Variants in NFATC1 observed in about 807,000 individuals in gnomAD.
NFATC1 encodes the protein nuclear factor of activated T cells 1.
Under a neutral mutation model 76.0 loss-of-function variants are expected in NFATC1, and 22 were observed. The observed-to-expected ratio is 0.29, with a 90% CI of 0.21 to 0.41. NFATC1 has a LOEUF of 0.41. Among genes scored for constraint, NFATC1 ranks in the 10% least tolerant of loss-of-function variants. The pLI, the probability that NFATC1 is intolerant of heterozygous loss-of-function variation, is 1.00. For missense variants in NFATC1, 1,357 were observed against 1,337.7 expected (o/e 1.01, Z -0.23); for synonymous variants, 704 against 613.1 (o/e 1.15, Z -2.19).
intron 1 of NFATC1, among the ~76,000 whole-genome samples, chr18:79,404,405 G>A (rs1159429891): frequency 6.6e-6 from 1 of 152,256 alleles, no homozygotes; most frequent in East Asian, 1.9e-4. Context: ...ACGTCCCGGT[G>A]CCACTGTGAG....
intron 3 of NFATC1, among the ~76,000 whole-genome samples, chr18:79,443,836 C>T (rs191459137): frequency 2.2e-3 from 338 of 152,350 alleles, no homozygotes; most frequent in African/African-American, 7.2e-3. Context: ...GGTGCTGGTC[C>T]GCCCACCCTC....
chr18:79,481,159 C>T (rs1336183746), intron 8 of NFATC1, among the ~76,000 whole-genome samples: 2 of 152,224 alleles, frequency 1.3e-5, no homozygotes, highest in Non-Finnish European at 2.9e-5. Flanking sequence ...GGCTCCCCAT[C>T]GTCTGGCTTT....
At chr18:79,468,806 G>C (rs571871830) in intron 8 of NFATC1, 1 of 152,486 alleles carries the variant, frequency 6.6e-6, no homozygotes, top group Admixed American at 6.5e-5. Context: ...AGCTGCAGGG[G>C]TGATGTGCAG....
chr18:79,503,588 C>T (rs924602818), intron 9 of NFATC1, among the ~76,000 whole-genome samples: 14 of 152,246 alleles, frequency 9.2e-5, no homozygotes, highest in Admixed American at 8.5e-4. Flanking sequence ...GAGGAGATTC[C>T]GCGTCATTCT....
At chr18:79,396,827 G>A (rs2085022343) in intron 1 of NFATC1, among the ~76,000 whole-genome samples, 1 of 150,528 alleles carries the variant, frequency 6.6e-6, no homozygotes, top group Non-Finnish European at 1.5e-5. Flanking sequence ...GCTCGTGGCG[G>A]CGTCTCCCTC....
chr18:79,507,283 C>T (rs959531785), intron 9 of NFATC1, among the ~76,000 whole-genome samples: 1 of 152,246 alleles, frequency 6.6e-6, no homozygotes, highest in Admixed American at 6.5e-5. Flanking sequence ...GCTCAGTTCC[C>T]GAGGCTGCAC....
At chr18:79,514,810 C>G (rs2090339655) in intron 9 of NFATC1, among the ~76,000 whole-genome samples, 1 of 151,936 alleles carries the variant, frequency 6.6e-6, no homozygotes, top group African/African-American at 2.4e-5. Context: ...TGTTGGGAGG[C>G]TGAGGCAAGA....
intron 9 of NFATC1, among the ~76,000 whole-genome samples, chr18:79,516,745 C>G (rs1449226576): frequency 6.6e-6 from 1 of 152,202 alleles, no homozygotes; most frequent in Non-Finnish European, 1.5e-5. Flanking sequence ...GTTACCTTGG[C>G]GCACACACCG....
intron 8 of NFATC1, among the ~76,000 whole-genome samples, chr18:79,485,922 C>T (rs537860032): frequency 6.6e-6 from 1 of 152,362 alleles, no homozygotes; most frequent in South Asian, 2.1e-4. Flanking sequence ...CGTGCATCCA[C>T]GTTGAAACTT....
chr18:79,437,525 C>T (rs1299784368), intron 3 of NFATC1, among the ~76,000 whole-genome samples: 1 of 152,244 alleles, frequency 6.6e-6, no homozygotes, highest in Non-Finnish European at 1.5e-5. Flanking sequence ...GCAGGGGAGG[C>T]TGAGGGGGCG....
At chr18:79,474,239 C>A (rs1271796364) in intron 8 of NFATC1, among the ~76,000 whole-genome samples, 1 of 100,592 alleles carries the variant, frequency 9.9e-6, no homozygotes. Flanking sequence ...CTGAGGGAAG[C>A]GTGTTCTCGC....
At chr18:79,490,262 G>A (rs1346777089) in intron 9 of NFATC1, among the ~76,000 whole-genome samples, 2 of 152,116 alleles carry the variant, frequency 1.3e-5, no homozygotes, top group Non-Finnish European at 2.9e-5. Context: ...CCCGGCTCTG[G>A]GTTAGGGTGG....
intron 8 of NFATC1, among the ~76,000 whole-genome samples, chr18:79,471,913 C>T (rs576616252): frequency 3.7e-4 from 57 of 152,332 alleles, no homozygotes; most frequent in Admixed American, 2.4e-3. Context: ...TTCCCTCCCC[C>T]GGTACTAACC....
intron 2 of NFATC1, among the ~76,000 whole-genome samples, chr18:79,424,258 C>T (rs2086201269): frequency 1.3e-5 from 2 of 152,140 alleles, no homozygotes. Context: ...CTCTTTAGGC[C>T]GGGCTCCGGG....
chr18:79,436,074 A>T (rs1476878329), intron 3 of NFATC1, among the ~76,000 whole-genome samples: 2 of 152,218 alleles, frequency 1.3e-5, no homozygotes, highest in Non-Finnish European at 2.9e-5. Flanking sequence ...TAAAAATAGA[A>T]TTTGTGCATA....
intron 1 of NFATC1, among the ~76,000 whole-genome samples, chr18:79,399,490 G>A (rs543756888): frequency 6.6e-6 from 1 of 152,368 alleles, no homozygotes; most frequent in Admixed American, 6.5e-5. Flanking sequence ...TGTATATGGT[G>A]CGGAGAGCCC....
chr18:79,404,810 C>G (rs965284400), intron 1 of NFATC1, among the ~76,000 whole-genome samples: 5 of 152,154 alleles, frequency 3.3e-5, no homozygotes, highest in South Asian at 2.1e-4. Flanking sequence ...AACTGCGTGT[C>G]GTGAGGGGCA....
At chr18:79,424,271 G>A (rs1340294855) in intron 2 of NFATC1, among the ~76,000 whole-genome samples, 1 of 152,164 alleles carries the variant, frequency 6.6e-6, no homozygotes, top group African/African-American at 2.4e-5. Context: ...GCTCCGGGCT[G>A]CCCTCCAGGA....
chr18:79,419,598 G>T lies in NFATC1; in HGVS notation c.1226+8097G>T, dbSNP rs533174279. Reference sequence around the variant, plus strand: ...CTGCCTGGTTAGCTCAGATGCCCCCGTGGAGACAGCGTGAGGGCGGCAGGG... The same window carrying T: ...CTGCCTGGTTAGCTCAGATGCCCCCTTGGAGACAGCGTGAGGGCGGCAGGG... On this transcript the variant is annotated intron_variant, in intron 2 of 9. Transcript: ENST00000427363. Among the ~76,000 whole-genome samples, 609 of 152,292 alleles carry T rather than the reference G, an allele frequency of 4.0e-3. 2 individuals are homozygous for T. The highest frequency in any genetic ancestry group is 0.014 in the African/African-American group (574 of 41,546).
Sources: allele counts gnomAD v4.1 joint callset (sites outside exome capture counted in the v4.1 genomes callset), GRCh38; gene constraint gnomAD v4.1.1; transcripts MANE v1.5; gene names NCBI Gene and HGNC (gene_info 2026-07-23, HGNC 2026-07-21).